Variants in EFR3B observed in about 807,000 individuals in gnomAD.
EFR3B encodes EFR3 homolog B, also known as protein EFR3 homolog B.
In EFR3B, 64 loss-of-function variants were observed where a neutral mutation model predicts 104.7. The ratio of observed to expected loss-of-function variants is 0.61; its 90% CI spans 0.50 to 0.75. EFR3B has a LOEUF of 0.75. EFR3B is among the 30% of genes least tolerant of loss of function. EFR3B has a pLI of 0.00. For synonymous variants in EFR3B, 385 were observed against 417.9 expected (o/e 0.92, Z 0.96); for missense variants, 750 against 1,078.5 (o/e 0.70, Z 4.27).
intron 21 of EFR3B, 23 bp downstream of exon 21, chr2:25,152,043 G>A (rs17046887): frequency 0.03 from 47,091 of 1,548,444 alleles, 1,188 homozygotes; most frequent in African/African-American, 0.13. Flanking sequence ...TGACATGGGC[G>A]AGTCCCTGGG....
At chr2:25,127,002 A>G (rs897290900) in intron 5 of EFR3B, among the ~76,000 whole-genome samples, 1 of 151,666 alleles carries the variant, frequency 6.6e-6, no homozygotes, top group South Asian at 2.1e-4. Flanking sequence ...GACCAGCCTG[A>G]CCAACACGGT....
Position 25,136,445 on chromosome 2 carries a change from G to C in EFR3B, c.1485-78G>C. The stretch of plus-strand genomic sequence containing the variant: ...CTTTGTACCAACTAACAATGTTGGG[G>C]ATAAAGCTCAGTGACCCCGTGTGAG... On this transcript the variant is annotated intron_variant, in intron 13 of 22. Transcript: ENST00000403714. This position sits in a 1 kb window ranked among gnomAD's most constrained non-coding sequence, Gnocchi z 4.0. 1 of 1,199,310 alleles carries C rather than the reference G, an allele frequency of 8.3e-7. No homozygotes were observed. The allele number at this position is 1,199,310 out of a possible 1,614,324, so 74.3% of individuals were successfully genotyped here. A position where few individuals can be genotyped will look rare whatever the true frequency, so the allele number is the denominator to read the frequency against.
At chr2:25,105,368 C>T (rs1464576262) in intron 4 of EFR3B, among the ~76,000 whole-genome samples, 7 of 152,194 alleles carry the variant, frequency 4.6e-5, no homozygotes, top group African/African-American at 1.7e-4. Context: ...CCAGGCTGGT[C>T]TTAAACTCCT....
At chr2:25,053,736 A>G (rs1667945039) in intron 1 of EFR3B, among the ~76,000 whole-genome samples, 1 of 152,104 alleles carries the variant, frequency 6.6e-6, no homozygotes, top group Non-Finnish European at 1.5e-5. Flanking sequence ...ATGAAACCCC[A>G]TCTCTACTAA....
intron 3 of EFR3B, among the ~76,000 whole-genome samples, chr2:25,093,855 A>C (rs1341330340): frequency 1.3e-5 from 2 of 152,242 alleles, no homozygotes; most frequent in Non-Finnish European, 2.9e-5. Context: ...TTGTCCATTA[A>C]AAATACACTT....
At chr2:25,096,023 C>CT (rs138227531) in intron 3 of EFR3B, among the ~76,000 whole-genome samples, 17,382 of 148,084 alleles carry the variant, frequency 0.12, 2,481 homozygotes, top group African/African-American at 0.35. Flanking sequence ...CCCACTGAGT[C>CT]TTTTTTTTTT....
chr2:25,135,947 G>T (rs1670505114), intron 13 of EFR3B, among the ~76,000 whole-genome samples: 1 of 152,102 alleles, frequency 6.6e-6, no homozygotes, highest in South Asian at 2.1e-4. Flanking sequence ...GAGAAGGAAG[G>T]GGATGCAGGT....
rs533542926 is a variant in EFR3B, at chr2:25,061,025, G to T, written c.7+18706G>T. 3.4e-4 allele frequency among the ~76,000 whole-genome samples: 52 copies of T among 152,246 alleles called. No individual in the cohort carries two copies. In the South Asian group the frequency reaches 0.01, roughly 30 times the overall value. Reference sequence around the variant, plus strand: ...GCGAGAGGCCCATATGACTGCCAATGGAGAGAACAGAGCCAGACATATTCC... The same window carrying T: ...GCGAGAGGCCCATATGACTGCCAATTGAGAGAACAGAGCCAGACATATTCC... On this transcript the variant is annotated intron_variant, in intron 1 of 22. Transcript: ENST00000403714.
At position 25,145,150 on chromosome 2, in the gene EFR3B, T is replaced by A. The variant is rs956750257; in HGVS notation, c.2142+99T>A. 1.5e-5 allele frequency: 16 copies of A among 1,082,482 alleles called. No homozygotes were observed. In the African/African-American group the frequency reaches 1.6e-4, roughly 11 times the overall value. 67.1% of individuals were successfully genotyped at this position (1,082,482 alleles called of 1,614,324 possible). A position where few individuals can be genotyped will look rare whatever the true frequency, so the allele number is the denominator to read the frequency against. ...CCTGCATAGTGGGCTTAAGGCTGCATGGAAAGCAAGTTTCTCGAGTAATTC... is the reference window on the plus strand; with the variant it reads ...CCTGCATAGTGGGCTTAAGGCTGCAAGGAAAGCAAGTTTCTCGAGTAATTC... On this transcript the variant is annotated intron_variant, in intron 19 of 22. Coordinates refer to ENST00000403714, the MANE Select transcript of EFR3B (RefSeq NM_014971.2).
In EFR3B at chr2:25,131,757, A is replaced by G; in HGVS notation, c.993A>G (p.Thr331=). ...CCGCCCCACCGCTCTCAGGGCCCACAGTACTGGAGATGTTCAACACGCTGC... is the reference window on the plus strand; with the variant it reads ...CCGCCCCACCGCTCTCAGGGCCCACGGTACTGGAGATGTTCAACACGCTGC... The part of the protein sequence containing the change: ...VIAATGSVGP[T]VLEMFNTLLR... Residue 331 remains threonine (T), a synonymous_variant, in exon 10 of 23, where the codon ACA becomes ACG. Coordinates refer to ENST00000403714, the MANE Select transcript of EFR3B (RefSeq NM_014971.2). The surrounding 1 kb of genome is among the most constrained non-coding windows in gnomAD (Gnocchi z 7.6). The G allele has an allele frequency of 6.6e-7, 1 of 1,509,514 alleles. No individual in the cohort carries two copies. Among genetic ancestry groups the G allele is most frequent in the Non-Finnish European group, 8.9e-7 (1 of 1,123,870 alleles). 93.5% of individuals were successfully genotyped at this position (1,509,514 alleles called of 1,614,324 possible). A position where few individuals can be genotyped will look rare whatever the true frequency, so the allele number is the denominator to read the frequency against.
At chr2:25,149,586 G>T (rs1670945631) in intron 19 of EFR3B, 108 bp from the exon 20 acceptor site, 2 of 1,158,058 alleles carry the variant, frequency 1.7e-6, no homozygotes, top group Non-Finnish European at 2.5e-6. Flanking sequence ...CCTGCCCACT[G>T]GGACTTTCTT....
chr2:25,114,263 C>T lies in EFR3B; in HGVS notation c.364-7410C>T, dbSNP rs1044167578. Among the ~76,000 whole-genome samples the T allele has an allele frequency of 6.6e-6, 1 of 152,156 alleles. No individual in the cohort carries two copies. The highest frequency in any genetic ancestry group is 1.9e-4 in the East Asian group (1 of 5,180). The stretch of plus-strand genomic sequence containing the variant: ...CATAGGGTGGGCTCTCTAGGAGCTG[C>T]CCCAACAGGGACCCACGGACAGCGC... On this transcript the variant is annotated intron_variant, in intron 4 of 22. Transcript: ENST00000403714. The surrounding 1 kb of genome is among the most constrained non-coding windows in gnomAD (Gnocchi z 4.0).
At chr2:25,127,787 T>A (rs1272941791) in intron 5 of EFR3B, among the ~76,000 whole-genome samples, 1 of 152,120 alleles carries the variant, frequency 6.6e-6, no homozygotes, top group Non-Finnish European at 1.5e-5. Context: ...TGGATCCGCC[T>A]CCCCCTGCCC....
intron 21 of EFR3B, among the ~76,000 whole-genome samples, chr2:25,152,813 AGTGTGT>A (rs60834744): frequency 0.013 from 1,848 of 141,436 alleles, 35 homozygotes; most frequent in African/African-American, 0.04. Flanking sequence ...TTCATATAGA[AGTGTGT>A]GTGTGTGTGT....
intron 2 of EFR3B, among the ~76,000 whole-genome samples, chr2:25,092,751 T>C (rs1313956961): frequency 6.6e-6 from 1 of 151,828 alleles, no homozygotes; most frequent in Non-Finnish European, 1.5e-5. Flanking sequence ...TGTTTCACCA[T>C]GTTGGCCAGG....
chr2:25,139,089 C>T lies in EFR3B; in HGVS notation c.1753C>T (p.Pro585Ser). The T allele has an allele frequency of 1.3e-6, 2 of 1,551,714 alleles. No individual in the cohort carries two copies. Among genetic ancestry groups the T allele is most frequent in the Non-Finnish European group, 1.7e-6 (2 of 1,147,002 alleles). The change falls in exon 16 of 23, where the codon CCT becomes TCT. Residue 585 changes from proline (P) to serine (S), a missense_variant. Coordinates refer to ENST00000403714, the MANE Select transcript of EFR3B (RefSeq NM_014971.2). ...DVAQVNEENL[P>S]VYNRCALYAL... The stretch of plus-strand genomic sequence containing the variant: ...GGCCCAAGTCAATGAGGAGAACTTG[C>T]CTGTCTACAACCGCTGTGCCCTCTA...
At chr2:25,075,642 T>A (rs1417715054) in intron 1 of EFR3B, among the ~76,000 whole-genome samples, 1 of 152,234 alleles carries the variant, frequency 6.6e-6, no homozygotes, top group Non-Finnish European at 1.5e-5. Flanking sequence ...TTCTATTTTT[T>A]ACCTACCAAC....
At chr2:25,091,890 G>A (rs1669136125) in intron 2 of EFR3B, among the ~76,000 whole-genome samples, 1 of 152,052 alleles carries the variant, frequency 6.6e-6, no homozygotes, top group African/African-American at 2.4e-5. Context: ...CTCTCCACCT[G>A]TCAGGCTGCT....
rs930992580 is a variant in EFR3B at position 25,062,728 on chromosome 2, C to T, written c.7+20409C>T. On this transcript the variant is annotated intron_variant, in intron 1 of 22. Transcript: ENST00000403714. ...GCAGCTGGGAAGCTGATGGTGCCGG[C>T]AGGGCAGTGGGGGGAGGCCCATACG... 1.3e-5 allele frequency among the ~76,000 whole-genome samples: 2 copies of T among 152,220 alleles called. 1 individual carries two copies. The highest frequency in any genetic ancestry group is 2.9e-5 in the Non-Finnish European group (2 of 68,036).
Sources: allele counts gnomAD v4.1 joint callset (sites outside exome capture counted in the v4.1 genomes callset), GRCh38; gene constraint gnomAD v4.1.1; non-coding constraint Gnocchi (gnomAD v3.1); transcripts MANE v1.5; gene names NCBI Gene and HGNC (gene_info 2026-07-23, HGNC 2026-07-21).